SPINK5: variants seen among roughly 807,000 people sequenced by gnomAD.
The protein encoded by SPINK5 is serine peptidase inhibitor Kazal type 5.
SPINK5 carries 125 observed loss-of-function variants against 151.8 expected under a neutral mutation model. That is an observed-to-expected ratio of 0.82 (90% CI 0.71 to 0.96). The LOEUF (loss-of-function observed/expected upper bound fraction) is 0.96, where lower values mean the gene tolerates loss of function less well. Ranked by LOEUF, SPINK5 falls within the 40% of genes least tolerant of loss-of-function variation. SPINK5 has a pLI of 0.00. For synonymous variants in SPINK5, 374 were observed against 395.3 expected, an observed-to-expected ratio of 0.95 and a Z score of 0.64; for missense variants, 1,194 against 1,291.9, an observed-to-expected ratio of 0.92 and a Z score of 1.16.
At position 148,123,245 on chromosome 5, in the gene SPINK5, A is replaced by G. The variant is rs188674469; in HGVS notation, c.2539-588A>G. 3.9e-4 allele frequency among the ~76,000 whole-genome samples: 59 copies of G among 151,534 alleles called. 1 individual carries two copies. The East Asian group carries it at 0.011, about 29-fold the overall frequency. On this transcript the variant is annotated intron_variant, in intron 26 of 32. Coordinates refer to ENST00000256084, the MANE Select transcript of SPINK5 (RefSeq NM_006846.4). ...CACATGCCTGTAGTTCTAGCTACTT[A>G]GCAGACTGAGGTGGGAGTGTTGCTT... is the stretch of plus-strand genomic sequence containing the variant.
chr5:148,114,898 C>T (rs1165861655), intron 21 of SPINK5, among the ~76,000 whole-genome samples: 1 of 152,136 alleles, frequency 6.6e-6, no homozygotes, highest in Non-Finnish European at 1.5e-5. Context: ...TAGGTCTTTA[C>T]ACAAAGTTTG....
At chr5:148,132,719 C>CA (rs1292094500) in intron 31 of SPINK5, among the ~76,000 whole-genome samples, 2 of 152,006 alleles carry the variant, frequency 1.3e-5, no homozygotes, top group Admixed American at 6.6e-5. Context: ...ACAGTAGTTC[C>CA]TTAAATTGTC....
At chr5:148,119,111 T>G in intron 24 of SPINK5, 53 bp downstream of exon 24, 1 of 1,532,428 alleles carries the variant, frequency 6.5e-7, no homozygotes, top group South Asian at 1.1e-5. Flanking sequence ...AGTCAGCAGT[T>G]GGCGATCAAA....
At chr5:148,131,412 C>T in intron 31 of SPINK5, 23 bp downstream of exon 31, 1 of 1,613,470 alleles carries the variant, frequency 6.2e-7, no homozygotes, top group South Asian at 1.1e-5. Flanking sequence ...GTTGCCCCAT[C>T]ATATCTTCCA....
intron 15 of SPINK5, 112 bp from the exon 16 acceptor site, chr5:148,104,840 G>A (rs1279864079): frequency 1.1e-6 from 1 of 921,988 alleles, no homozygotes; most frequent in Non-Finnish European, 1.6e-6. Context: ...AGGTTGCAGT[G>A]AGCCGAGATC....
chr5:148,093,414 G>C (rs1753366901), intron 8 of SPINK5, among the ~76,000 whole-genome samples: 1 of 151,760 alleles, frequency 6.6e-6, no homozygotes, highest in African/African-American at 2.4e-5. Flanking sequence ...TGATCTATCT[G>C]TCTAAGGTGA....
At chr5:148,089,007 T>C (rs1753234872) in intron 6 of SPINK5, 1 of 462,098 alleles carries the variant, frequency 2.2e-6, no homozygotes, top group Admixed American at 2.4e-5. Context: ...AGATTTTTTT[T>C]CTATGATACA....
At chr5:148,127,629 A>C (rs1754466185) in intron 30 of SPINK5, among the ~76,000 whole-genome samples, 1 of 152,080 alleles carries the variant, frequency 6.6e-6, no homozygotes, top group African/African-American at 2.4e-5. Context: ...AAGCGGGCAG[A>C]TCCCTTGGCC....
At chr5:148,127,838 A>G (rs1255862595) in intron 30 of SPINK5, among the ~76,000 whole-genome samples, 2 of 152,150 alleles carry the variant, frequency 1.3e-5, no homozygotes, top group South Asian at 2.1e-4. Flanking sequence ...AGCCTGGGTG[A>G]CAGAACAGGA....
chr5:148,103,564 G>A (rs536025836), intron 15 of SPINK5, among the ~76,000 whole-genome samples: 35 of 152,202 alleles, frequency 2.3e-4, no homozygotes, highest in African/African-American at 7.0e-4. Flanking sequence ...ACTTAGACTC[G>A]TGATAAAGGT....
intron 4 of SPINK5, among the ~76,000 whole-genome samples, chr5:148,080,238 T>C (rs908097918): frequency 6.6e-6 from 1 of 151,180 alleles, no homozygotes; most frequent in East Asian, 1.9e-4. Context: ...AAATGAAAGA[T>C]CCAAATAACT....
intron 1 of SPINK5, 129 bp from the exon 2 acceptor site, chr5:148,065,218 A>G: frequency 2.1e-6 from 2 of 964,902 alleles, no homozygotes; most frequent in Non-Finnish European, 1.6e-6. Flanking sequence ...TAATGTGTTC[A>G]AAAACCATTT....
At chr5:148,073,761 A>C (rs558824456) in intron 4 of SPINK5, among the ~76,000 whole-genome samples, 1 of 151,292 alleles carries the variant, frequency 6.6e-6, no homozygotes, top group African/African-American at 2.4e-5. Flanking sequence ...TTAAAAAATA[A>C]AATTACAGTC....
intron 2 of SPINK5, 60 bp downstream of exon 2, chr5:148,065,432 T>A: frequency 6.4e-7 from 1 of 1,563,110 alleles, no homozygotes; most frequent in Non-Finnish European, 8.8e-7. Flanking sequence ...AAAAGTGGTT[T>A]GTGGCCAACA....
At chr5:148,133,935 C>G (rs761358930) in intron 32 of SPINK5, 48 bp downstream of exon 32, 23 of 1,592,750 alleles carry the variant, frequency 1.4e-5, no homozygotes, top group Non-Finnish European at 1.9e-5. Flanking sequence ...GTGAGGAGCA[C>G]TGGGTTCTGG....
intron 2 of SPINK5, among the ~76,000 whole-genome samples, chr5:148,069,353 C>T (rs1163425559): frequency 1.3e-5 from 2 of 151,776 alleles, no homozygotes; most frequent in Non-Finnish European, 1.5e-5. Flanking sequence ...TAAAATGTTT[C>T]CCCTGTCCTC....
At chr5:148,112,678 A>AAAACCC (rs113307434) in intron 19 of SPINK5, among the ~76,000 whole-genome samples, 190 bp from the exon 20 acceptor site, 1 of 151,476 alleles carries the variant, frequency 6.6e-6, no homozygotes, top group Admixed American at 6.6e-5. Flanking sequence ...TCTCAAAAAA[A>AAAACCC]AACCAAAAAA....
chr5:148,083,777 T>G (rs898180199), intron 4 of SPINK5, among the ~76,000 whole-genome samples: 1 of 151,602 alleles, frequency 6.6e-6, no homozygotes, highest in Non-Finnish European at 1.5e-5. Flanking sequence ...CTATATTTAT[T>G]TCCTTCTTTT....
intron 31 of SPINK5, among the ~76,000 whole-genome samples, chr5:148,131,900 G>A (rs1231801994): frequency 6.6e-6 from 1 of 152,092 alleles, no homozygotes; most frequent in African/African-American, 2.4e-5. Flanking sequence ...TAAATAAATA[G>A]CTGATCTGAT....
Sources: gnomAD v4.1 joint callset for allele counts (sites outside exome capture counted in the v4.1 genomes callset) on GRCh38, gnomAD v4.1.1 for gene constraint, MANE v1.5 for transcripts, NCBI Gene and HGNC (gene_info 2026-07-23, HGNC 2026-07-21) for gene names.